The following NOL4 variants were observed in gnomAD, a reference collection of about 807,000 sequenced individuals.
The protein encoded by NOL4 is cancer/testis antigen 125.
A neutral mutation model predicts 75.9 loss-of-function variants in NOL4; 17 were observed. The ratio of observed to expected loss-of-function variants is 0.22; its 90% CI spans 0.15 to 0.34. NOL4 has a LOEUF of 0.34. Ranked by LOEUF, NOL4 falls within the 10% of genes least tolerant of loss-of-function variation. The probability of loss-of-function intolerance (pLI) is 1.00; values close to 1 mark genes in which losing one functional copy is unlikely to be tolerated. For missense variants in NOL4, 614 were observed against 793.5 expected, an observed-to-expected ratio of 0.77 and a Z score of 2.72; for synonymous variants, 292 against 289.9, an observed-to-expected ratio of 1.01 and a Z score of -0.07.
intron 10 of NOL4, among the ~76,000 whole-genome samples, chr18:33,862,922 A>G (rs1333665941): frequency 6.6e-6 from 1 of 152,084 alleles, no homozygotes; most frequent in East Asian, 1.9e-4. Context: ...CATTACTGGG[A>G]ATATACCCAA....
intron 9 of NOL4, among the ~76,000 whole-genome samples, chr18:33,936,820 A>G (rs1382940895): frequency 6.6e-6 from 1 of 152,120 alleles, no homozygotes; most frequent in Non-Finnish European, 1.5e-5. Flanking sequence ...AATAAAATGT[A>G]TGTCATCCCT....
chr18:33,901,568 A>G (rs1463029052), intron 9 of NOL4, among the ~76,000 whole-genome samples: 1 of 152,090 alleles, frequency 6.6e-6, no homozygotes, highest in African/African-American at 2.4e-5. Flanking sequence ...TGGATATCTG[A>G]GTCATTTTCA....
At chr18:34,046,602 T>TATATATATA (rs1568268549) in intron 5 of NOL4, among the ~76,000 whole-genome samples, 2 of 32,100 alleles carry the variant, frequency 6.2e-5, no homozygotes, top group African/African-American at 2.1e-4. Context: ...TACTATTTAC[T>TATATATATA]TATACATATA....
chr18:34,132,539 T>A (rs1472382720), intron 1 of NOL4, among the ~76,000 whole-genome samples: 1 of 152,222 alleles, frequency 6.6e-6, no homozygotes, highest in African/African-American at 2.4e-5. Context: ...TGGACCTGTT[T>A]ACTCTCAACT....
intron 6 of NOL4, among the ~76,000 whole-genome samples, chr18:33,987,899 C>T (rs1390993043): frequency 6.6e-6 from 1 of 152,040 alleles, no homozygotes; most frequent in Non-Finnish European, 1.5e-5. Flanking sequence ...ATGATTTCTG[C>T]TTTTATCAGC....
chr18:34,117,305 T>C (rs1434928538), intron 2 of NOL4, among the ~76,000 whole-genome samples: 1 of 152,210 alleles, frequency 6.6e-6, no homozygotes, highest in Non-Finnish European at 1.5e-5. Flanking sequence ...TCACCTGCTA[T>C]TGTGGTTTCA....
At chr18:34,125,967 CAAA>C (rs34689802) in intron 2 of NOL4, among the ~76,000 whole-genome samples, 1 of 142,564 alleles carries the variant, frequency 7.0e-6, no homozygotes. Flanking sequence ...CAGGATGCAC[CAAA>C]AAAAAAAAAA....
Position 33,886,822 on chromosome 18 carries a change from T to G in NOL4, c.1543-3398A>C, listed in dbSNP as rs1037491078. Reference sequence around the variant, plus strand: ...CTATATACGTATATAGATATATCTATATACATATATATCTATATATCTAGA... The same window carrying G: ...CTATATACGTATATAGATATATCTAGATACATATATATCTATATATCTAGA... On this transcript the variant is annotated intron_variant, in intron 9 of 10. Coordinates refer to ENST00000261592, the MANE Select transcript of NOL4 (RefSeq NM_003787.5). 3.5e-5 allele frequency among the ~76,000 whole-genome samples: 5 copies of G among 141,484 alleles called. No individual in the cohort carries two copies. In the East Asian group the frequency reaches 8.0e-4, roughly 23 times the overall value. The allele number at this position is 141,484 out of a possible 152,430, so 92.8% of individuals were successfully genotyped here.
rs183944714 is a variant in NOL4, at chr18:33,951,457, T to A, written c.1428+5869A>T. Reference sequence around the variant, plus strand: ...TAATATCCCTAGGTATGAGTTTTTTTAAAAAAAATGTATACTGTTTAGGAC... The same window carrying A: ...TAATATCCCTAGGTATGAGTTTTTTAAAAAAAAATGTATACTGTTTAGGAC... On this transcript the variant is annotated intron_variant, in intron 8 of 10. Coordinates refer to ENST00000261592, the MANE Select transcript of NOL4 (RefSeq NM_003787.5). Among the ~76,000 whole-genome samples, 732 of 152,232 alleles carry A rather than the reference T, an allele frequency of 4.8e-3. 3 individuals are homozygous for A. The highest frequency in any genetic ancestry group is 7.4e-3 in the Non-Finnish European group (505 of 68,014).
chr18:33,963,627 T>A (rs1219986159), intron 6 of NOL4, among the ~76,000 whole-genome samples: 1 of 152,204 alleles, frequency 6.6e-6, no homozygotes, highest in African/African-American at 2.4e-5. Flanking sequence ...GATGGATACA[T>A]GCTTATCCTC....
chr18:34,203,512 T>A (rs2035884656), intron 1 of NOL4, among the ~76,000 whole-genome samples: 1 of 151,496 alleles, frequency 6.6e-6, no homozygotes, highest in Non-Finnish European at 1.5e-5. Flanking sequence ...TTATTTTGGA[T>A]GTGATAATAT....
rs548217597 is a variant in NOL4, at chr18:34,122,697, A to G, written c.414+7174T>C. On this transcript the variant is annotated intron_variant, in intron 2 of 10. Transcript: ENST00000261592. ...ATCAAAGCTGGACCATTCTGTCTCC[A>G]CAATCTCATGCCAGTCTCCCATGTC... 3.3e-5 allele frequency among the ~76,000 whole-genome samples: 5 copies of G among 152,308 alleles called. No homozygotes were observed. In the South Asian group the frequency reaches 1.0e-3, roughly 32 times the overall value.
chr18:33,944,849 T>C (rs1490650120), intron 8 of NOL4, among the ~76,000 whole-genome samples: 1 of 151,844 alleles, frequency 6.6e-6, no homozygotes, highest in Non-Finnish European at 1.5e-5. Context: ...TCACTAAGTA[T>C]AAAGAAAATA....
At chr18:33,927,658 C>A (rs746647601) in intron 9 of NOL4, among the ~76,000 whole-genome samples, 15 of 152,006 alleles carry the variant, frequency 9.9e-5, no homozygotes, top group Non-Finnish European at 2.2e-4. Context: ...GAAAGTTGAT[C>A]TTTTGTCATG....
chr18:34,008,371 G>GTCTA (rs10656153), intron 6 of NOL4, among the ~76,000 whole-genome samples: 46,910 of 147,470 alleles, frequency 0.32, 7,572 homozygotes, highest in East Asian at 0.35. Context: ...CTATCTGTCT[G>GTCTA]TCTATCTATC....
At position 33,865,207 on chromosome 18, in the gene NOL4, T is replaced by TG. The variant is rs2063374060; in HGVS notation, c.1724-12173dup. 3.3e-5 allele frequency among the ~76,000 whole-genome samples: 5 copies of TG among 152,228 alleles called. No homozygotes were observed. The South Asian group carries it at 1.0e-3, about 32-fold the overall frequency. ...TGGTTCCTCAGTATCCTTAGGGACT[T>TG]GGGTCCAGGATACCAAAATCCAGGA... On this transcript the variant is annotated intron_variant, in intron 10 of 10. Transcript: ENST00000261592.
intron 5 of NOL4, among the ~76,000 whole-genome samples, chr18:34,053,119 G>A (rs4273120): frequency 0.19 from 28,449 of 151,798 alleles, 3,050 homozygotes; most frequent in East Asian, 0.35. Context: ...AGAACTTTTG[G>A]AACTCTTAAA....
At chr18:33,911,681 T>C (rs1179083781) in intron 9 of NOL4, among the ~76,000 whole-genome samples, 1 of 152,146 alleles carries the variant, frequency 6.6e-6, no homozygotes, top group Non-Finnish European at 1.5e-5. Context: ...TTGCTTCTGA[T>C]ATTTAAGTGC....
intron 1 of NOL4, among the ~76,000 whole-genome samples, chr18:34,189,199 T>C (rs2034726790): frequency 6.6e-6 from 1 of 152,098 alleles, no homozygotes. Context: ...AAAGTGGAAG[T>C]GCAAGTGAGT....
Sources: gnomAD v4.1 joint callset for allele counts (sites outside exome capture counted in the v4.1 genomes callset) on GRCh38, gnomAD v4.1.1 for gene constraint, MANE v1.5 for transcripts, NCBI Gene and HGNC (gene_info 2026-07-23, HGNC 2026-07-21) for gene names.